OR56A3: variants seen among roughly 807,000 people sequenced by gnomAD.
OR56A3 encodes the protein olfactory receptor 56A3.
OR56A3 carries 23 observed loss-of-function variants against 17.5 expected under a neutral mutation model. The observed-to-expected ratio is 1.32, with a 90% CI of 0.95 to 1.87. OR56A3 has a LOEUF of 1.87. Among genes scored for constraint, OR56A3 ranks in the 40% most tolerant of loss-of-function variants. The pLI, the probability that OR56A3 is intolerant of heterozygous loss-of-function variation, is 0.00. For missense variants in OR56A3, 366 were observed against 380.1 expected (o/e 0.96, Z 0.31); for synonymous variants, 175 against 150.6 (o/e 1.16, Z -1.19).
downstream of OR56A3, chr11:5,951,358 A>G (rs949910712): frequency 6.6e-6 from 1 of 152,156 alleles, no homozygotes; most frequent in Admixed American, 6.5e-5. Flanking sequence ...ACACACACAT[A>G]GATCTGAGTA....
chr11:5,946,842 CA>C (rs1050456747), intron 2 of OR56A3, among the ~76,000 whole-genome samples: 31 of 152,304 alleles, frequency 2.0e-4, no homozygotes, highest in African/African-American at 7.5e-4. Context: ...ATAAGGATGT[CA>C]TGGGGACATG....
the OR56A3 span, among the ~76,000 whole-genome samples, chr11:5,960,057 T>C: frequency 6.6e-6 from 1 of 152,194 alleles, no homozygotes; most frequent in East Asian, 1.9e-4. Context: ...CGTACTGTTT[T>C]GATTATTATG....
At chr11:5,974,108 TC>T in the OR56A3 span, among the ~76,000 whole-genome samples, 2 of 101,370 alleles carry the variant, frequency 2.0e-5, no homozygotes, top group South Asian at 5.9e-4. Flanking sequence ...TTTATTAAAC[TC>T]TTTTTTTTTT....
At chr11:5,967,766 A>G in the OR56A3 span, 13 of 1,598,236 alleles carry the variant, frequency 8.1e-6, no homozygotes, top group African/African-American at 1.3e-5. Flanking sequence ...GGGAACCACA[A>G]GTACCTAGAG....
At chr11:5,989,814 T>C in the OR56A3 span, among the ~76,000 whole-genome samples, 1 of 152,188 alleles carries the variant, frequency 6.6e-6, no homozygotes, top group African/African-American at 2.4e-5. Context: ...GTTATTAAAG[T>C]AAACAGGAGG....
the OR56A3 span, among the ~76,000 whole-genome samples, chr11:6,015,998 G>T: frequency 7.2e-5 from 11 of 152,108 alleles, no homozygotes; most frequent in Non-Finnish European, 5.9e-5. Flanking sequence ...GTGTGGATTT[G>T]TGTCCCCGCC....
At chr11:6,002,789 G>C in the OR56A3 span, 1 of 1,613,832 alleles carries the variant, frequency 6.2e-7, no homozygotes, top group Non-Finnish European at 8.5e-7. Flanking sequence ...GCAGGGAGAG[G>C]AGGCTGAGCA....
the OR56A3 span, among the ~76,000 whole-genome samples, chr11:6,013,237 C>A: frequency 6.6e-6 from 1 of 152,238 alleles, no homozygotes; most frequent in Non-Finnish European, 1.5e-5. Flanking sequence ...CCCCTCACAG[C>A]CTGTGGCAGG....
the OR56A3 span, among the ~76,000 whole-genome samples, chr11:6,004,702 A>G: frequency 6.1e-3 from 923 of 152,322 alleles, 9 homozygotes; most frequent in African/African-American, 0.021. Flanking sequence ...ATATCTGATT[A>G]GGAAAATGAC....
the OR56A3 span, among the ~76,000 whole-genome samples, chr11:5,970,551 C>G: frequency 6.6e-6 from 1 of 152,080 alleles, no homozygotes; most frequent in African/African-American, 2.4e-5. Context: ...CAACAAACAG[C>G]TTCACATGGA....
chr11:5,947,790 T>C lies in OR56A3; in HGVS notation c.444T>C (p.Ala148=). Residue 148 remains alanine, a synonymous_variant, in exon 3 of 3, where the codon GCT becomes GCC. Coordinates refer to ENST00000641160, the MANE Select transcript of OR56A3 (RefSeq NM_001003443.3). ...TCACTGATCACTTTGTAGTCAAGGC[T>C]GCCATGTTTATTTTGACCAGAAATG... ...SIITDHFVVK[A]AMFILTRNVL... 6.2e-7 allele frequency: 1 copy of C among 1,614,226 alleles called. No individual in the cohort carries two copies. The highest frequency in any genetic ancestry group is 8.5e-7 in the Non-Finnish European group (1 of 1,180,042).
intron 1 of OR56A3, chr11:5,943,513 T>TA (rs375923866): frequency 0.29 from 39,235 of 136,702 alleles, 5,700 homozygotes; most frequent in African/African-American, 0.36. Context: ...TGATTTTCTT[T>TA]AAAAAAAAAA....
chr11:5,982,007 C>T, the OR56A3 span, among the ~76,000 whole-genome samples: 5 of 152,172 alleles, frequency 3.3e-5, no homozygotes, highest in Admixed American at 6.5e-5. Flanking sequence ...TTCTCTGGCC[C>T]CTCTAAGCTA....
chr11:5,973,405 TATG>T, the OR56A3 span, among the ~76,000 whole-genome samples: 1 of 152,242 alleles, frequency 6.6e-6, no homozygotes, highest in Non-Finnish European at 1.5e-5. Context: ...TCCCTATTAA[TATG>T]ATGTCTAGTA....
the OR56A3 span, among the ~76,000 whole-genome samples, chr11:6,013,006 T>C: frequency 1.5e-3 from 235 of 152,318 alleles, no homozygotes; most frequent in African/African-American, 5.3e-3. Context: ...GGGCAGAGGG[T>C]GGCCTTCCTG....
chr11:5,990,375 C>T, the OR56A3 span, among the ~76,000 whole-genome samples: 7 of 152,270 alleles, frequency 4.6e-5, no homozygotes, highest in Admixed American at 6.5e-5. Flanking sequence ...GATTGAGCCT[C>T]GATATTCCTC....
chr11:5,997,937 A>T, the OR56A3 span, among the ~76,000 whole-genome samples: 708 of 152,282 alleles, frequency 4.6e-3, 14 homozygotes, highest in East Asian at 0.016. Context: ...AAGAGCATGA[A>T]AATCCAACTC....
At chr11:5,952,141 G>A (rs1484495122), downstream of OR56A3, among the ~76,000 whole-genome samples, 1 of 152,162 alleles carries the variant, frequency 6.6e-6, no homozygotes, top group African/African-American at 2.4e-5. Context: ...TATAGTAACT[G>A]TGAAGCCTCT....
the OR56A3 span, chr11:6,021,832 T>G: frequency 6.6e-6 from 1 of 152,088 alleles, no homozygotes; most frequent in African/African-American, 2.4e-5. Context: ...TGTCCCCCTC[T>G]CAGTAAGTAA....
Sources: allele counts gnomAD v4.1 joint callset (sites outside exome capture counted in the v4.1 genomes callset), GRCh38; gene constraint gnomAD v4.1.1; transcripts MANE v1.5; gene names NCBI Gene and HGNC (gene_info 2026-07-23, HGNC 2026-07-21).